Variants in GPHN observed in about 807,000 individuals in gnomAD.
The protein encoded by GPHN is gephyrin.
In GPHN, 17 loss-of-function variants were observed where a neutral mutation model predicts 95.5. The ratio of observed to expected loss-of-function variants is 0.18; its 90% CI spans 0.12 to 0.27. GPHN has a LOEUF of 0.27. Ranked by LOEUF, GPHN falls within the 10% of genes least tolerant of loss-of-function variation. GPHN has a pLI of 1.00. For missense variants in GPHN, 660 were observed against 978.1 expected, an observed-to-expected ratio of 0.67 and a Z score of 4.34; for synonymous variants, 320 against 322.5, an observed-to-expected ratio of 0.99 and a Z score of 0.08.
the GPHN span, among the ~76,000 whole-genome samples, chr14:67,373,079 T>C: frequency 6.6e-6 from 1 of 152,218 alleles, no homozygotes. Context: ...CTGCTCCACA[T>C]TGCTCATGGG....
the GPHN span, among the ~76,000 whole-genome samples, chr14:67,253,962 TG>T: frequency 1.3e-3 from 194 of 151,414 alleles, 2 homozygotes; most frequent in African/African-American, 4.1e-3. Context: ...TATTTTGTTT[TG>T]TTTTTTTTTT....
chr14:66,976,679 A>G (rs865893279), intron 9 of GPHN, among the ~76,000 whole-genome samples: 3 of 152,162 alleles, frequency 2.0e-5, no homozygotes, highest in African/African-American at 7.2e-5. Flanking sequence ...TGCATATTAT[A>G]TGTCAAATAC....
At chr14:67,656,267 A>T in the GPHN span, 30 of 770,888 alleles carry the variant, frequency 3.9e-5, no homozygotes, top group Non-Finnish European at 5.2e-5. Context: ...AAAAATTAAT[A>T]AATAAAAATT....
the GPHN span, among the ~76,000 whole-genome samples, chr14:67,531,976 T>C: frequency 2.0e-5 from 3 of 147,234 alleles, no homozygotes; most frequent in Non-Finnish European, 3.0e-5. Context: ...CCAGAGAACG[T>C]GTTTTTGGGC....
chr14:66,944,779 C>T (rs559523484), intron 8 of GPHN, among the ~76,000 whole-genome samples: 1 of 152,332 alleles, frequency 6.6e-6, no homozygotes, highest in Non-Finnish European at 1.5e-5. Flanking sequence ...AATCACTTTC[C>T]CACAGAGTGA....
At chr14:66,694,692 A>G (rs1386556914) in intron 2 of GPHN, among the ~76,000 whole-genome samples, 1 of 152,210 alleles carries the variant, frequency 6.6e-6, no homozygotes, top group African/African-American at 2.4e-5. Flanking sequence ...TACCATCCAC[A>G]AAAGAAAATA....
chr14:67,146,566 C>T (rs551879350), intron 18 of GPHN, among the ~76,000 whole-genome samples: 11 of 152,246 alleles, frequency 7.2e-5, no homozygotes, highest in South Asian at 2.1e-4. Context: ...TTAAGTTTTG[C>T]TAATAGTGTC....
At chr14:66,822,211 A>G (rs190565449) in intron 3 of GPHN, among the ~76,000 whole-genome samples, 1 of 152,254 alleles carries the variant, frequency 6.6e-6, no homozygotes, top group East Asian at 1.9e-4. Context: ...CGGCCTCCCA[A>G]AGTGCTGGGA....
At chr14:67,116,110 T>C (rs1355400302) in intron 16 of GPHN, among the ~76,000 whole-genome samples, 1 of 152,038 alleles carries the variant, frequency 6.6e-6, no homozygotes, top group Non-Finnish European at 1.5e-5. Flanking sequence ...GAGACCAGCC[T>C]GGGCAACATG....
the GPHN span, chr14:67,586,513 A>T: frequency 1.2e-6 from 1 of 814,864 alleles, no homozygotes; most frequent in Non-Finnish European, 1.8e-6. Flanking sequence ...AAAGTGGGAC[A>T]GTCCCACAGT....
intron 5 of GPHN, among the ~76,000 whole-genome samples, chr14:66,890,803 G>GAA (rs60166095): frequency 5.1e-4 from 77 of 150,162 alleles, no homozygotes; most frequent in South Asian, 4.2e-4. Flanking sequence ...AGAATGGAGG[G>GAA]AAAAAAAAAC....
chr14:67,293,275 A>G, the GPHN span, among the ~76,000 whole-genome samples: 1 of 152,138 alleles, frequency 6.6e-6, no homozygotes, highest in Non-Finnish European at 1.5e-5. Flanking sequence ...CTGTTATGCA[A>G]ACATCTTTTA....
the GPHN span, among the ~76,000 whole-genome samples, chr14:67,219,782 T>C: frequency 1.3e-5 from 2 of 152,160 alleles, no homozygotes; most frequent in Admixed American, 1.3e-4. Context: ...CTCAGCTCCC[T>C]ACGCCATTTA....
At chr14:66,760,718 C>T (rs1227050292) in intron 2 of GPHN, 4 of 462,800 alleles carry the variant, frequency 8.6e-6, no homozygotes, top group Admixed American at 5.2e-5. Context: ...TGGCAAAGCA[C>T]TTATAGTGGA....
At chr14:67,524,124 C>T in the GPHN span, among the ~76,000 whole-genome samples, 14 of 152,292 alleles carry the variant, frequency 9.2e-5, no homozygotes, top group East Asian at 2.7e-3. Context: ...TCTCTCACAA[C>T]CTTGGGCTTT....
chr14:67,157,358 T>C (rs77993214), intron 18 of GPHN, among the ~76,000 whole-genome samples: 8,206 of 152,198 alleles, frequency 0.054, 228 homozygotes, highest in Middle Eastern at 0.068. Flanking sequence ...AACCTCAAAA[T>C]GAAAAATACG....
intron 2 of GPHN, among the ~76,000 whole-genome samples, chr14:66,764,783 G>C (rs2058900249): frequency 6.6e-6 from 1 of 151,606 alleles, no homozygotes; most frequent in Non-Finnish European, 1.5e-5. Flanking sequence ...AAAATATAAA[G>C]ATAATATAAT....
At position 66,699,717 on chromosome 14, in the gene GPHN, C is replaced by T. The variant is rs895876771; in HGVS notation, c.143+18532C>T. Among the ~76,000 whole-genome samples, 4 of 152,070 alleles carry T rather than the reference C, an allele frequency of 2.6e-5. No individual in the cohort carries two copies. The East Asian group carries it at 7.7e-4, about 29-fold the overall frequency. ...CCTCTCACTATTTGCTGTTTTTATA[C>T]TATTTGTATAAATGATGGAATTAGA... On this transcript the variant is annotated intron_variant, in intron 2 of 22. Coordinates refer to ENST00000478722, the MANE Select transcript of GPHN (RefSeq NM_020806.5).
chr14:66,829,869 C>T (rs919675420), intron 4 of GPHN, among the ~76,000 whole-genome samples: 3 of 152,012 alleles, frequency 2.0e-5, no homozygotes, highest in African/African-American at 7.3e-5. Flanking sequence ...AGCCCACAAG[C>T]CAAATCCAGC....
Sources: allele counts gnomAD v4.1 joint callset (sites outside exome capture counted in the v4.1 genomes callset), GRCh38; gene constraint gnomAD v4.1.1; transcripts MANE v1.5; gene names NCBI Gene and HGNC (gene_info 2026-07-23, HGNC 2026-07-21).